The following QTMAN variants were observed in gnomAD, a reference collection of about 807,000 sequenced individuals.
QTMAN encodes tRNA-queuosine alpha-mannosyltransferase.
the QTMAN span, chr2:144,007,553 T>A: frequency 6.7e-7 from 1 of 1,491,408 alleles, no homozygotes; most frequent in South Asian, 1.4e-5. Flanking sequence ...AAAAAAAGAA[T>A]GCAATATACT....
the QTMAN span, among the ~76,000 whole-genome samples, chr2:144,071,157 C>T: frequency 6.7e-6 from 1 of 149,924 alleles, no homozygotes; most frequent in Non-Finnish European, 1.5e-5. Flanking sequence ...ACATAAAATG[C>T]TTTAAAAAAC....
chr2:143,969,128 T>C, the QTMAN span, among the ~76,000 whole-genome samples: 7 of 152,212 alleles, frequency 4.6e-5, no homozygotes, highest in African/African-American at 1.7e-4. Flanking sequence ...GCACTCATCA[T>C]TGAGGTTTTT....
the QTMAN span, among the ~76,000 whole-genome samples, chr2:144,200,638 T>C: frequency 6.6e-6 from 1 of 152,244 alleles, no homozygotes; most frequent in Non-Finnish European, 1.5e-5. Context: ...AGACTAATGT[T>C]TCCTGAACTA....
chr2:144,031,905 C>T, the QTMAN span, among the ~76,000 whole-genome samples: 2 of 152,008 alleles, frequency 1.3e-5, no homozygotes, highest in African/African-American at 2.4e-5. Context: ...TACAGGCATG[C>T]GCCACACGTT....
At chr2:144,114,787 T>C in the QTMAN span, among the ~76,000 whole-genome samples, 1 of 152,192 alleles carries the variant, frequency 6.6e-6, no homozygotes, top group African/African-American at 2.4e-5. Context: ...GACTTGTTAT[T>C]AGAACAAAGC....
the QTMAN span, among the ~76,000 whole-genome samples, chr2:144,184,193 T>G: frequency 3.9e-4 from 59 of 152,260 alleles, no homozygotes; most frequent in African/African-American, 1.3e-3. Flanking sequence ...GGGAAGTACA[T>G]GGAGGTAGAG....
chr2:144,142,598 G>A, the QTMAN span, among the ~76,000 whole-genome samples: 1 of 152,036 alleles, frequency 6.6e-6, no homozygotes, highest in East Asian at 1.9e-4. Context: ...TTTACTTCAA[G>A]AAACTGTGTT....
At chr2:144,263,567 C>A in the QTMAN span, among the ~76,000 whole-genome samples, 1 of 152,078 alleles carries the variant, frequency 6.6e-6, no homozygotes, top group African/African-American at 2.4e-5. Context: ...ACTAAAAATA[C>A]AAAAATTAGC....
chr2:144,187,386 C>A, the QTMAN span, among the ~76,000 whole-genome samples: 1 of 152,168 alleles, frequency 6.6e-6, no homozygotes, highest in Non-Finnish European at 1.5e-5. Flanking sequence ...TTCATTTCCA[C>A]AGGAACTAAT....
chr2:144,307,159 T>TAAAAAAAAAAAAAAAAAAAA, the QTMAN span, among the ~76,000 whole-genome samples: 2 of 40,466 alleles, frequency 4.9e-5, no homozygotes, highest in South Asian at 1.6e-3. Context: ...GACTCCGTCT[T>TAAAAAAAAAAAAAAAAAAAA]AAAAAAAAAA....
chr2:144,306,747 T>A, the QTMAN span, among the ~76,000 whole-genome samples: 1 of 152,096 alleles, frequency 6.6e-6, no homozygotes, highest in African/African-American at 2.4e-5. Context: ...AGTAAAAGAA[T>A]ATATCCTCCA....
At chr2:144,290,260 T>A in the QTMAN span, among the ~76,000 whole-genome samples, 1 of 152,178 alleles carries the variant, frequency 6.6e-6, no homozygotes, top group African/African-American at 2.4e-5. Flanking sequence ...TCTGTTATAT[T>A]CCAGTTGCTT....
chr2:144,219,615 G>A, the QTMAN span, among the ~76,000 whole-genome samples: 2 of 152,094 alleles, frequency 1.3e-5, no homozygotes, highest in African/African-American at 4.8e-5. Flanking sequence ...GAGTCCAGGA[G>A]TTTGAGAGCA....
chr2:144,069,141 T>C, the QTMAN span, among the ~76,000 whole-genome samples: 1 of 152,100 alleles, frequency 6.6e-6, no homozygotes, highest in African/African-American at 2.4e-5. Flanking sequence ...AATTCTTTCC[T>C]CTTTCTTTTC....
chr2:144,176,998 G>A, the QTMAN span: 1 of 607,678 alleles, frequency 1.6e-6, no homozygotes. Context: ...TACATGGTCA[G>A]AGCAGGACAA....
the QTMAN span, among the ~76,000 whole-genome samples, chr2:144,126,873 T>C: frequency 3.3e-5 from 5 of 152,152 alleles, no homozygotes; most frequent in East Asian, 7.7e-4. Context: ...AAAATTCTAA[T>C]GTAATCTTTT....
chr2:144,101,394 TCACACA>T, the QTMAN span, among the ~76,000 whole-genome samples: 2 of 150,124 alleles, frequency 1.3e-5, no homozygotes, highest in African/African-American at 2.4e-5. Context: ...TATCTCTCTC[TCACACA>T]CACACACACA....
At chr2:144,302,832 G>A in the QTMAN span, among the ~76,000 whole-genome samples, 1 of 152,208 alleles carries the variant, frequency 6.6e-6, no homozygotes, top group Admixed American at 6.5e-5. Context: ...CGGGCATGGT[G>A]GCTCAGGCCT....
the QTMAN span, among the ~76,000 whole-genome samples, chr2:143,986,771 T>C: frequency 3.3e-5 from 5 of 152,218 alleles, no homozygotes; most frequent in African/African-American, 1.2e-4. Context: ...CACATTACTG[T>C]GCTTTAATCT....
Sources: gnomAD v4.1 joint callset for allele counts (sites outside exome capture counted in the v4.1 genomes callset) on GRCh38, gnomAD v4.1.1 for gene constraint, MANE v1.5 for transcripts, NCBI Gene and HGNC (gene_info 2026-07-23, HGNC 2026-07-21) for gene names.